ERC1: variants seen among roughly 807,000 people sequenced by gnomAD.
ERC1 encodes the protein ELKS/RAB6-interacting/CAST family member 1.
A neutral mutation model predicts 132.0 loss-of-function variants in ERC1; 56 were observed. The ratio of observed to expected loss-of-function variants is 0.42; its 90% CI spans 0.34 to 0.53. The LOEUF is 0.53. Ranked by LOEUF, ERC1 falls within the 20% of genes least tolerant of loss-of-function variation. The probability of loss-of-function intolerance (pLI) is 0.03; values close to 1 mark genes in which losing one functional copy is unlikely to be tolerated. For missense variants in ERC1, 1,202 were observed against 1,349.9 expected (o/e 0.89, Z 1.72); for synonymous variants, 478 against 476.1 (o/e 1.00, Z -0.05).
chr12:1,354,798 G>A (rs1489283651), intron 15 of ERC1, among the ~76,000 whole-genome samples: 2 of 152,068 alleles, frequency 1.3e-5, no homozygotes, highest in Non-Finnish European at 2.9e-5. Context: ...CTACAGGAGT[G>A]CGCCCGGCTA....
upstream of ERC1, chr12:990,563 C>T (rs1190853395): frequency 6.6e-6 from 1 of 152,274 alleles, no homozygotes; most frequent in African/African-American, 2.4e-5. Flanking sequence ...GGCGGGATCA[C>T]CACAGACACG....
intron 15 of ERC1, among the ~76,000 whole-genome samples, chr12:1,357,896 A>G (rs1233358336): frequency 6.6e-6 from 1 of 152,228 alleles, no homozygotes; most frequent in East Asian, 1.9e-4. Context: ...GGTTTAAGAC[A>G]TAATTCAGTA....
At chr12:1,196,346 T>C (rs990726636) in intron 12 of ERC1, among the ~76,000 whole-genome samples, 2 of 152,186 alleles carry the variant, frequency 1.3e-5, no homozygotes, top group Admixed American at 1.3e-4. Context: ...ACTAGGCAGC[T>C]ACTTTAAAGG....
At chr12:1,164,444 A>G (rs1273551025) in intron 8 of ERC1, among the ~76,000 whole-genome samples, 2 of 151,712 alleles carry the variant, frequency 1.3e-5, no homozygotes, top group Admixed American at 6.6e-5. Context: ...CCGGGTTCAC[A>G]CCATTCTCCT....
At chr12:1,478,985 C>T (rs1452555206) in intron 18 of ERC1, among the ~76,000 whole-genome samples, 1 of 152,136 alleles carries the variant, frequency 6.6e-6, no homozygotes, top group African/African-American at 2.4e-5. Flanking sequence ...ATGTATTCAT[C>T]ATGAATTGAT....
At chr12:1,134,903 T>C (rs1949109172) in intron 7 of ERC1, among the ~76,000 whole-genome samples, 1 of 152,050 alleles carries the variant, frequency 6.6e-6, no homozygotes, top group African/African-American at 2.4e-5. Context: ...TAATTTTGTA[T>C]TTTTAGTAGA....
chr12:1,441,053 C>G (rs1018535770), intron 17 of ERC1, among the ~76,000 whole-genome samples: 1 of 151,448 alleles, frequency 6.6e-6, no homozygotes, highest in East Asian at 1.9e-4. Flanking sequence ...GCATTTAAAT[C>G]TGTTTGAAAA....
chr12:1,380,903 T>C (rs1173820693), intron 16 of ERC1: 1 of 152,250 alleles, frequency 6.6e-6, no homozygotes, highest in Non-Finnish European at 1.5e-5. Context: ...ATAGCAAGTA[T>C]CGCAGCAGCT....
At chr12:1,191,842 T>C (rs1351698138) in intron 12 of ERC1, among the ~76,000 whole-genome samples, 1 of 151,838 alleles carries the variant, frequency 6.6e-6, no homozygotes, top group East Asian at 1.9e-4. Context: ...CACAGTTTCT[T>C]GGCTACTGGA....
intron 12 of ERC1, among the ~76,000 whole-genome samples, chr12:1,232,585 T>C (rs956329501): frequency 1.3e-5 from 2 of 152,192 alleles, no homozygotes; most frequent in Non-Finnish European, 2.9e-5. Flanking sequence ...GAGTTTCCTA[T>C]TGAAGCTATT....
intron 2 of ERC1, among the ~76,000 whole-genome samples, chr12:1,052,622 C>T (rs1354592955): frequency 6.6e-6 from 1 of 152,090 alleles, no homozygotes; most frequent in South Asian, 2.1e-4. Context: ...ACAGTACAGT[C>T]TAGATTGTAT....
At chr12:1,485,421 T>C (rs914454791) in intron 18 of ERC1, among the ~76,000 whole-genome samples, 2 of 151,980 alleles carry the variant, frequency 1.3e-5, no homozygotes, top group African/African-American at 4.8e-5. Flanking sequence ...GCCAGGCTGG[T>C]CTTGAACTCC....
chr12:1,229,907 A>G (rs1167355621), intron 12 of ERC1, among the ~76,000 whole-genome samples: 3 of 148,694 alleles, frequency 2.0e-5, no homozygotes, highest in Non-Finnish European at 3.0e-5. Flanking sequence ...CTTAAAGTTT[A>G]TTGCCATAAA....
At chr12:1,085,000 CCAT>C (rs1942792136) in intron 3 of ERC1, among the ~76,000 whole-genome samples, 1 of 66,064 alleles carries the variant, frequency 1.5e-5, no homozygotes, top group African/African-American at 4.0e-5. Flanking sequence ...TATGCCTGGC[CCAT>C]TATTATTATT....
chr12:1,405,159 A>ATAAAT (rs2091381104), intron 16 of ERC1, among the ~76,000 whole-genome samples: 1 of 137,472 alleles, frequency 7.3e-6, no homozygotes, highest in African/African-American at 2.8e-5. Context: ...AAATAAATAA[A>ATAAAT]TAAATAAATA....
intron 15 of ERC1, among the ~76,000 whole-genome samples, chr12:1,304,129 G>T (rs1208798670): frequency 6.6e-6 from 1 of 152,006 alleles, no homozygotes; most frequent in Non-Finnish European, 1.5e-5. Context: ...TATTTGTTGT[G>T]GAGTTCACAG....
Position 999,609 on chromosome 12 carries a change from A to ATTTTTTTTTT in ERC1, c.-157+8299_-157+8308dup, listed in dbSNP as rs10661786. ...CAAGCATTGAACCTGGTGCTAGGTG[A>ATTTTTTTTTT]TTTTTTTTTTTTTTTTTTTTTGAGA... On this transcript the variant is annotated intron_variant, in intron 1 of 18. Transcript: ENST00000360905. Among the ~76,000 whole-genome samples the ATTTTTTTTTT allele has an allele frequency of 4.9e-5, 5 of 102,950 alleles. 1 individual carries two copies. Among genetic ancestry groups the ATTTTTTTTTT allele is most frequent in the African/African-American group, 4.0e-5 (1 of 24,936 alleles). 67.5% of individuals were successfully genotyped at this position (102,950 alleles called of 152,430 possible).
chr12:1,030,582 G>A (rs773662538), intron 2 of ERC1, among the ~76,000 whole-genome samples: 23 of 152,114 alleles, frequency 1.5e-4, no homozygotes, highest in African/African-American at 4.6e-4. Flanking sequence ...AAAAAAATTA[G>A]CAGGGTTTTG....
intron 17 of ERC1, chr12:1,430,329 T>C (rs998266383): frequency 7.2e-5 from 11 of 152,174 alleles, no homozygotes; most frequent in African/African-American, 2.7e-4. Context: ...GAGTGGGGTA[T>C]TAGGGCTTAG....
Sources: gnomAD v4.1 joint callset for allele counts (sites outside exome capture counted in the v4.1 genomes callset) on GRCh38, gnomAD v4.1.1 for gene constraint, MANE v1.5 for transcripts, NCBI Gene and HGNC (gene_info 2026-07-23, HGNC 2026-07-21) for gene names.